The following SMYD3 variants were observed in gnomAD, a reference collection of about 807,000 sequenced individuals.
SMYD3 encodes the protein histone-lysine N-methyltransferase SMYD3.
Under a neutral mutation model 57.7 loss-of-function variants are expected in SMYD3, and 36 were observed. That is an observed-to-expected ratio of 0.62 (90% CI 0.48 to 0.82). The LOEUF is 0.82. Ranked by LOEUF, SMYD3 falls within the 40% of genes least tolerant of loss-of-function variation. SMYD3 has a pLI of 0.00. For synonymous variants in SMYD3, 211 were observed against 195.0 expected (o/e 1.08, Z -0.68); for missense variants, 515 against 538.8 (o/e 0.96, Z 0.44).
chr1:246,410,449 T>C (rs1281369062), intron 1 of SMYD3, among the ~76,000 whole-genome samples: 4 of 152,190 alleles, frequency 2.6e-5, no homozygotes, highest in East Asian at 1.9e-4. Flanking sequence ...TTGTCTTTGG[T>C]TCTGTTTATA....
intron 10 of SMYD3, among the ~76,000 whole-genome samples, chr1:245,826,941 G>C (rs1413381124): frequency 1.3e-5 from 2 of 152,098 alleles, no homozygotes; most frequent in African/African-American, 4.8e-5. Context: ...TGACACATGG[G>C]GATTATGGGG....
chr1:246,447,331 T>C (rs1327366904), intron 1 of SMYD3, among the ~76,000 whole-genome samples: 1 of 152,208 alleles, frequency 6.6e-6, no homozygotes, highest in Non-Finnish European at 1.5e-5. Flanking sequence ...AAATGTGCTA[T>C]GAGAAAAGAG....
Position 245,749,623 on chromosome 1 carries a change from G to A in SMYD3, c.1227C>T (p.Ser409=), listed in dbSNP as rs777277308. Residue 409 remains serine (S), a synonymous_variant, in exon 12 of 12, where the codon AGC becomes AGT. Transcript: ENST00000490107. ...AAAGTAGAATCAAATCTTCAATCAG[G>A]CTGTGTTCTCTGCCATGTGTCACTC... ...IMRVTHGREH[S]LIEDLILLLE... The A allele has an allele frequency of 1.9e-6, 3 of 1,614,096 alleles. No homozygotes were observed. The highest frequency in any genetic ancestry group is 2.5e-6 in the Non-Finnish European group (3 of 1,179,996).
At chr1:246,168,779 T>C (rs1310157605) in intron 5 of SMYD3, among the ~76,000 whole-genome samples, 2 of 152,138 alleles carry the variant, frequency 1.3e-5, no homozygotes, top group East Asian at 1.9e-4. Context: ...CTAAAAGTCA[T>C]GTATATTGTT....
chr1:245,854,324 A>T (rs2051124111), intron 10 of SMYD3, among the ~76,000 whole-genome samples: 2 of 152,112 alleles, frequency 1.3e-5, no homozygotes, highest in South Asian at 2.1e-4. Flanking sequence ...GAGCAGGGGG[A>T]CCTAACTTTT....
intron 5 of SMYD3, among the ~76,000 whole-genome samples, chr1:246,293,151 C>T (rs1454228850): frequency 6.6e-6 from 1 of 151,924 alleles, no homozygotes; most frequent in Non-Finnish European, 1.5e-5. Context: ...AATCCCCAAA[C>T]TACATCATAT....
At position 246,076,670 on chromosome 1, in the gene SMYD3, TG is replaced by T. The variant is rs1231953902; in HGVS notation, c.532-146734del. ...TAACTGCTCCCACTAGCATTCTGTC[TG>T]GTTTTGTTTTTTTTTTCTAGATTAA... is the stretch of plus-strand genomic sequence containing the variant. On this transcript the variant is annotated intron_variant, in intron 5 of 11. Coordinates refer to ENST00000490107, the MANE Select transcript of SMYD3 (RefSeq NM_001167740.2). Among the ~76,000 whole-genome samples, 270 of 124,638 alleles carry T rather than the reference TG, an allele frequency of 2.2e-3. 1 individual carries two copies. Among genetic ancestry groups the T allele is most frequent in the African/African-American group, 0.011 (248 of 23,084 alleles). 81.8% of individuals were successfully genotyped at this position (124,638 alleles called of 152,430 possible). A position where few individuals can be genotyped will look rare whatever the true frequency, so the allele number is the denominator to read the frequency against.
intron 5 of SMYD3, among the ~76,000 whole-genome samples, chr1:246,302,740 A>G (rs2064912854): frequency 6.6e-6 from 1 of 152,110 alleles, no homozygotes; most frequent in Non-Finnish European, 1.5e-5. Flanking sequence ...CACAACTCCC[A>G]ATTTTCCAAC....
chr1:246,054,732 GA>G (rs35817927), intron 5 of SMYD3, among the ~76,000 whole-genome samples: 1 of 151,840 alleles, frequency 6.6e-6, no homozygotes, highest in African/African-American at 2.4e-5. Context: ...GGGATAGACT[GA>G]AAAAGGGTAC....
Position 245,883,875 on chromosome 1 carries a change from A to G in SMYD3, c.814-19989T>C, listed in dbSNP as rs552571545. Among the ~76,000 whole-genome samples the G allele has an allele frequency of 5.3e-5, 8 of 152,346 alleles. 1 individual carries two copies. The highest frequency in any genetic ancestry group is 1.0e-4 in the Non-Finnish European group (7 of 68,030). ...GGTTGTCGTGGGAAGCAACAGATAA[A>G]GGTGAAAATGGCCAAAACCCAGAGT... On this transcript the variant is annotated intron_variant, in intron 8 of 11. Transcript: ENST00000490107.
At chr1:246,257,185 A>C (rs545059401) in intron 5 of SMYD3, among the ~76,000 whole-genome samples, 54 of 152,290 alleles carry the variant, frequency 3.5e-4, no homozygotes, top group African/African-American at 1.3e-3. Context: ...CCAATTGGTC[A>C]AGTGTTTACT....
At chr1:245,773,852 G>A (rs2046433006) in intron 10 of SMYD3, among the ~76,000 whole-genome samples, 1 of 152,120 alleles carries the variant, frequency 6.6e-6, no homozygotes, top group Non-Finnish European at 1.5e-5. Flanking sequence ...AGTTCTGAAT[G>A]TACACACTCA....
At chr1:246,167,910 T>C (rs1299660759) in intron 5 of SMYD3, among the ~76,000 whole-genome samples, 1 of 152,250 alleles carries the variant, frequency 6.6e-6, no homozygotes, top group African/African-American at 2.4e-5. Flanking sequence ...GAGAAAGGTC[T>C]ATTCAACTCC....
At chr1:245,770,354 A>G (rs1381553376) in intron 10 of SMYD3, among the ~76,000 whole-genome samples, 1 of 152,226 alleles carries the variant, frequency 6.6e-6, no homozygotes, top group Non-Finnish European at 1.5e-5. Context: ...GGGATCAACA[A>G]TGATAACAAG....
At chr1:245,899,713 A>T (rs2054062790) in intron 8 of SMYD3, among the ~76,000 whole-genome samples, 3 of 152,194 alleles carry the variant, frequency 2.0e-5, no homozygotes, top group Admixed American at 2.0e-4. Context: ...CTGTGAGAGT[A>T]TTTCTTTATG....
intron 9 of SMYD3, among the ~76,000 whole-genome samples, chr1:245,859,479 C>CT (rs1466187495): frequency 6.6e-6 from 1 of 152,162 alleles, no homozygotes; most frequent in African/African-American, 2.4e-5. Flanking sequence ...AGTGACTTCG[C>CT]TTTTTAAAAC....
chr1:245,869,445 A>G (rs1047050116), intron 8 of SMYD3, among the ~76,000 whole-genome samples: 4 of 152,206 alleles, frequency 2.6e-5, no homozygotes, highest in Non-Finnish European at 5.9e-5. Flanking sequence ...GATGGCTGCT[A>G]TGTAACCACT....
intron 5 of SMYD3, among the ~76,000 whole-genome samples, chr1:246,282,220 C>G (rs1208970811): frequency 6.9e-6 from 1 of 145,020 alleles, no homozygotes; most frequent in East Asian, 2.1e-4. Context: ...GTAATCCTAG[C>G]ACTTTGGGAG....
intron 5 of SMYD3, among the ~76,000 whole-genome samples, chr1:246,258,315 G>T (rs1466688597): frequency 6.6e-6 from 1 of 152,174 alleles, no homozygotes; most frequent in African/African-American, 2.4e-5. Context: ...GATTACAGGA[G>T]TGAGCCACCA....
Sources: gnomAD v4.1 joint callset for allele counts (sites outside exome capture counted in the v4.1 genomes callset) on GRCh38, gnomAD v4.1.1 for gene constraint, MANE v1.5 for transcripts, NCBI Gene and HGNC (gene_info 2026-07-23, HGNC 2026-07-21) for gene names.